Variants in NUDT9 observed in about 807,000 individuals in gnomAD.
NUDT9 encodes ADP-ribose pyrophosphatase.
Under a neutral mutation model 41.0 loss-of-function variants are expected in NUDT9, and 31 were observed. That is an observed-to-expected ratio of 0.76 (90% CI 0.57 to 1.02). The LOEUF is 1.02. Ranked by LOEUF, NUDT9 falls within the 50% of genes least tolerant of loss-of-function variation. The pLI, the probability that NUDT9 is intolerant of heterozygous loss-of-function variation, is 0.00. For synonymous variants in NUDT9, 146 were observed against 147.6 expected, an observed-to-expected ratio of 0.99 and a Z score of 0.08; for missense variants, 380 against 431.4, an observed-to-expected ratio of 0.88 and a Z score of 1.06.
intron 6 of NUDT9, among the ~76,000 whole-genome samples, chr4:87,454,049 G>A (rs1228834581): frequency 2.6e-5 from 4 of 151,642 alleles, no homozygotes; most frequent in Non-Finnish European, 5.9e-5. Flanking sequence ...TTTTAGTAGA[G>A]ACAGGGTTTC....
chr4:87,456,204 A>G (rs1391107392), intron 7 of NUDT9, among the ~76,000 whole-genome samples: 1 of 152,208 alleles, frequency 6.6e-6, no homozygotes, highest in Non-Finnish European at 1.5e-5. Flanking sequence ...CAGGAGTCCT[A>G]TTGATAGATA....
At chr4:87,457,734 G>A in intron 7 of NUDT9, 109 bp from the exon 8 acceptor site, 1 of 965,334 alleles carries the variant, frequency 1.0e-6, no homozygotes, top group South Asian at 1.6e-5. Flanking sequence ...CACTTGGCCG[G>A]CTAGTACAAT....
chr4:87,432,912 T>C (rs887156864), intron 1 of NUDT9, among the ~76,000 whole-genome samples: 10 of 152,206 alleles, frequency 6.6e-5, no homozygotes, highest in East Asian at 5.8e-4. Flanking sequence ...TGTTATTATT[T>C]TGTTGAGGAT....
In NUDT9 at chr4:87,441,836, G is replaced by T. The variant is rs764045825; in HGVS notation, c.451G>T (p.Ala151Ser). 1.9e-6 allele frequency: 3 copies of T among 1,613,318 alleles called. No individual in the cohort carries two copies. The highest frequency in any genetic ancestry group is 2.5e-6 in the Non-Finnish European group (3 of 1,179,634). The change falls in exon 4 of 8, where the codon GCA (alanine) becomes TCA (serine). Residue 151 changes from alanine (A) to serine (S), a missense_variant. Coordinates refer to ENST00000302174, the MANE Select transcript of NUDT9 (RefSeq NM_024047.5). ...EIENGRPRNP[A>S]GRTGLVGRGL... ...CTTTTTTTGTTTTTCCAGAAATCCT[G>T]CAGGACGGACTGGACTGGTGGGCCG...
intron 1 of NUDT9, among the ~76,000 whole-genome samples, chr4:87,423,580 C>A (rs927893279): frequency 6.6e-6 from 1 of 152,158 alleles, no homozygotes; most frequent in African/African-American, 2.4e-5. Flanking sequence ...GTCCTAGGTG[C>A]AGCAGCCTTT....
chr4:87,441,208 A>G (rs914832997), intron 3 of NUDT9, among the ~76,000 whole-genome samples: 1 of 152,218 alleles, frequency 6.6e-6, no homozygotes, highest in African/African-American at 2.4e-5. Context: ...TGTTTACTGA[A>G]ATAAAATGAC....
chr4:87,442,567 T>G (rs1722249961), intron 4 of NUDT9, among the ~76,000 whole-genome samples: 1 of 152,256 alleles, frequency 6.6e-6, no homozygotes, highest in African/African-American at 2.4e-5. Flanking sequence ...TTTATAAACT[T>G]AAACATTTTT....
intron 4 of NUDT9, among the ~76,000 whole-genome samples, chr4:87,443,348 T>A (rs1449766010): frequency 1.3e-5 from 2 of 152,214 alleles, no homozygotes; most frequent in African/African-American, 4.8e-5. Context: ...ATCATAGTGA[T>A]GCGATGTAAG....
intron 5 of NUDT9, among the ~76,000 whole-genome samples, chr4:87,450,861 C>G (rs1342763066): frequency 6.6e-6 from 1 of 152,120 alleles, no homozygotes; most frequent in Non-Finnish European, 1.5e-5. Context: ...TTAGTATCTT[C>G]CTTTTGTCAG....
rs561933705 is a variant in NUDT9 at position 87,423,001 on chromosome 4, C to T, written c.96C>T (p.Ile32=). The T allele has an allele frequency of 1.2e-6, 2 of 1,612,822 alleles. No homozygotes were observed. Among genetic ancestry groups the T allele is most frequent in the Admixed American group, 3.3e-5 (2 of 59,864 alleles). Residue 32 remains isoleucine, a synonymous_variant, in exon 1 of 8, where the codon ATC becomes ATT. Coordinates refer to ENST00000302174, the MANE Select transcript of NUDT9 (RefSeq NM_024047.5). The part of the protein sequence containing the change: ...VTIRSSRCRG[I]QAFRNSFSSS... ...TCAGGTCCTCGCGCTGCCGCGGCAT[C>T]CAGGCGTTCAGGTATTCCACCCTCC...
Position 87,442,400 on chromosome 4 carries a change from TG to T in NUDT9, c.530+488del, listed in dbSNP as rs561367068. Among the ~76,000 whole-genome samples, 61 of 152,330 alleles carry T rather than the reference TG, an allele frequency of 4.0e-4. 1 individual carries two copies. In the South Asian group the frequency reaches 8.9e-3, roughly 22 times the overall value. ...GAGCTTATAGGACTGGAAGTTGATC[TG>T]GGTGAGTCAGTGAGTGGTGAGTGAA... On this transcript the variant is annotated intron_variant, in intron 4 of 7. Coordinates refer to ENST00000302174, the MANE Select transcript of NUDT9 (RefSeq NM_024047.5).
At chr4:87,426,853 TAGAGTG>T (rs1721446427) in intron 1 of NUDT9, among the ~76,000 whole-genome samples, 2 of 145,256 alleles carry the variant, frequency 1.4e-5, no homozygotes, top group Non-Finnish European at 1.5e-5. Context: ...CTGGGCAACA[TAGAGTG>T]AGACCCCATC....
intron 2 of NUDT9, among the ~76,000 whole-genome samples, chr4:87,435,430 A>G (rs1446310053): frequency 6.6e-6 from 1 of 152,240 alleles, no homozygotes; most frequent in Non-Finnish European, 1.5e-5. Context: ...ATACTTCCAA[A>G]TAGTTAAATC....
chr4:87,457,805 T>G (rs368327043), intron 7 of NUDT9, 38 bp from the exon 8 acceptor site: 3 of 1,575,690 alleles, frequency 1.9e-6, no homozygotes, highest in Non-Finnish European at 1.7e-6. Context: ...AAAACAGAAA[T>G]GAGTTTTTCT....
chr4:87,436,628 A>G (rs1294706576), intron 2 of NUDT9, among the ~76,000 whole-genome samples: 1 of 152,104 alleles, frequency 6.6e-6, no homozygotes, highest in African/African-American at 2.4e-5. Flanking sequence ...TAAAAGGGTG[A>G]ATCTCTAGAG....
chr4:87,423,407 C>CTG (rs1046761186), intron 1 of NUDT9, among the ~76,000 whole-genome samples: 3 of 152,128 alleles, frequency 2.0e-5, no homozygotes, highest in African/African-American at 7.2e-5. Context: ...ACTATTCCCC[C>CTG]TGTCCCCTTT....
intron 1 of NUDT9, among the ~76,000 whole-genome samples, chr4:87,423,822 T>C (rs958217190): frequency 6.6e-6 from 1 of 152,194 alleles, no homozygotes; most frequent in African/African-American, 2.4e-5. Context: ...GACTTTTGGC[T>C]CTGTACCAGG....
chr4:87,447,488 T>TG (rs1297152409), intron 4 of NUDT9, among the ~76,000 whole-genome samples: 29 of 151,358 alleles, frequency 1.9e-4, no homozygotes, highest in Middle Eastern at 3.2e-3. Flanking sequence ...TTTTTTTTTT[T>TG]TTGTTTTGTT....
At chr4:87,456,573 C>T (rs1438903531) in intron 7 of NUDT9, among the ~76,000 whole-genome samples, 2 of 152,206 alleles carry the variant, frequency 1.3e-5, no homozygotes, top group Non-Finnish European at 2.9e-5. Flanking sequence ...GCCCCCTCTT[C>T]ATACTGGTAT....
Sources: allele counts gnomAD v4.1 joint callset (sites outside exome capture counted in the v4.1 genomes callset), GRCh38; gene constraint gnomAD v4.1.1; transcripts MANE v1.5; gene names NCBI Gene and HGNC (gene_info 2026-07-23, HGNC 2026-07-21).